The following ROBO2 variants were observed in gnomAD, a reference collection of about 807,000 sequenced individuals.
The protein encoded by ROBO2 is roundabout guidance receptor 2.
In ROBO2, 53 loss-of-function variants were observed where a neutral mutation model predicts 160.8. The observed-to-expected ratio is 0.33, with a 90% CI of 0.26 to 0.41. ROBO2 has a LOEUF of 0.41. ROBO2 is among the 10% of genes least tolerant of loss of function. The pLI, the probability that ROBO2 is intolerant of heterozygous loss-of-function variation, is 1.00. For missense variants in ROBO2, 1,577 were observed against 1,722.4 expected, an observed-to-expected ratio of 0.92 and a Z score of 1.49; for synonymous variants, 664 against 611.7, an observed-to-expected ratio of 1.09 and a Z score of -1.26.
intron 24 of ROBO2, among the ~76,000 whole-genome samples, chr3:77,640,096 CATTTTTTTTTTT>C (rs2095325555): frequency 2.1e-5 from 2 of 97,480 alleles, no homozygotes; most frequent in African/African-American, 8.5e-5. Flanking sequence ...GCAGAGGAAG[CATTTTTTTTTTT>C]TTTTTTTTTT....
chr3:77,080,240 T>A (rs1244389829), intron 1 of ROBO2, among the ~76,000 whole-genome samples: 1 of 152,180 alleles, frequency 6.6e-6, no homozygotes, highest in African/African-American at 2.4e-5. Context: ...TTCAGCGGGT[T>A]CTATAGGCCA....
chr3:76,977,075 A>C (rs1362031592), intron 2 of ROBO2, among the ~76,000 whole-genome samples: 1 of 152,152 alleles, frequency 6.6e-6, no homozygotes, highest in Admixed American at 6.5e-5. Context: ...CTTTCATGCA[A>C]ATTTGAAATT....
At chr3:77,534,378 TATAA>T (rs2091954951) in intron 6 of ROBO2, among the ~76,000 whole-genome samples, 1 of 152,116 alleles carries the variant, frequency 6.6e-6, no homozygotes, top group African/African-American at 2.4e-5. Flanking sequence ...ATCAGAATAA[TATAA>T]ATACTTAGGC....
intron 2 of ROBO2, among the ~76,000 whole-genome samples, chr3:76,879,536 C>G (rs1011289032): frequency 2.0e-5 from 3 of 152,032 alleles, no homozygotes; most frequent in Non-Finnish European, 4.4e-5. Flanking sequence ...ACCAACATAA[C>G]TATAAAGTAA....
rs562354450 is a variant in ROBO2 at position 77,429,327 on chromosome 3, C to G, written c.389-48087C>G. Among the ~76,000 whole-genome samples, 4 of 152,244 alleles carry G rather than the reference C, an allele frequency of 2.6e-5. No homozygotes were observed. The South Asian group carries it at 6.2e-4, about 24-fold the overall frequency. On this transcript the variant is annotated intron_variant, in intron 2 of 25. Coordinates refer to ENST00000461745, the Ensembl canonical transcript of ROBO2. ...CCCGACTTGCTTTACCAGACTATGA[C>G]ACATATTTTTAAGCCATTATTATAG...
intron 1 of ROBO2, among the ~76,000 whole-genome samples, chr3:77,077,843 C>T (rs557918336): frequency 5.3e-5 from 8 of 152,212 alleles, no homozygotes; most frequent in African/African-American, 1.9e-4. Flanking sequence ...CCTGGGTATT[C>T]TAGAATCTCT....
intron 2 of ROBO2, among the ~76,000 whole-genome samples, chr3:77,410,525 CTCT>C (rs1302363258): frequency 9.0e-6 from 1 of 111,278 alleles, no homozygotes. Context: ...CCTCCTCCTC[CTCT>C]TCCTCCTCCT....
intron 1 of ROBO2, among the ~76,000 whole-genome samples, chr3:77,087,783 TATATG>T (rs2069534394): frequency 6.6e-6 from 1 of 152,014 alleles, no homozygotes; most frequent in Non-Finnish European, 1.5e-5. Context: ...TATATATACA[TATATG>T]TATGTATTCA....
intron 1 of ROBO2, among the ~76,000 whole-genome samples, chr3:77,046,191 G>A (rs1293855225): frequency 6.6e-6 from 1 of 152,160 alleles, no homozygotes; most frequent in African/African-American, 2.4e-5. Flanking sequence ...AAGCAGCTGT[G>A]CTACTTTACA....
intron 23 of ROBO2, chr3:77,632,535 A>T: frequency 2.0e-6 from 3 of 1,535,832 alleles, no homozygotes; most frequent in Non-Finnish European, 2.6e-6. Context: ...CTAGTCATAG[A>T]TCTAGTGTAG....
At chr3:76,272,000 A>G (rs1349540419) in intron 2 of ROBO2, among the ~76,000 whole-genome samples, 1 of 152,164 alleles carries the variant, frequency 6.6e-6, no homozygotes, top group African/African-American at 2.4e-5. Flanking sequence ...TAAAATTAGA[A>G]TGTGCTTCAT....
intron 2 of ROBO2, among the ~76,000 whole-genome samples, chr3:77,099,071 CT>C (rs750626067): frequency 4.1e-4 from 50 of 121,244 alleles, no homozygotes; most frequent in Middle Eastern, 4.4e-3. Context: ...TTCTTTCTTT[CT>C]TTTTTTTTTT....
chr3:77,313,166 A>G (rs2153424048), intron 2 of ROBO2, among the ~76,000 whole-genome samples: 1 of 152,328 alleles, frequency 6.6e-6, no homozygotes, highest in African/African-American at 2.4e-5. Flanking sequence ...TTTCTATTTT[A>G]TCACTCAGGA....
At chr3:77,111,276 T>A (rs1224819021) in intron 2 of ROBO2, among the ~76,000 whole-genome samples, 1 of 152,128 alleles carries the variant, frequency 6.6e-6, no homozygotes, top group African/African-American at 2.4e-5. Context: ...ATCCTTTTTA[T>A]TTTAAAATAA....
intron 2 of ROBO2, among the ~76,000 whole-genome samples, chr3:76,885,807 T>A (rs1228393717): frequency 6.6e-6 from 1 of 152,206 alleles, no homozygotes; most frequent in African/African-American, 2.4e-5. Flanking sequence ...TGATTACATC[T>A]TTCTTTATGC....
chr3:77,460,135 G>A (rs73842880), intron 2 of ROBO2, among the ~76,000 whole-genome samples: 4,253 of 152,018 alleles, frequency 0.028, 173 homozygotes, highest in African/African-American at 0.094. Context: ...TGACAGGGGC[G>A]GAAGTCAGGA....
At chr3:77,104,884 G>T (rs536836496) in intron 2 of ROBO2, among the ~76,000 whole-genome samples, 1 of 152,140 alleles carries the variant, frequency 6.6e-6, no homozygotes, top group Non-Finnish European at 1.5e-5. Context: ...TGGCCACAAA[G>T]TTCCTAATAA....
chr3:76,754,477 T>C (rs17042958), intron 2 of ROBO2, among the ~76,000 whole-genome samples: 1,583 of 152,016 alleles, frequency 0.01, 22 homozygotes, highest in African/African-American at 0.036. Context: ...TCTTCTGTGT[T>C]TTATTTATGT....
intron 2 of ROBO2, among the ~76,000 whole-genome samples, chr3:76,988,065 A>G (rs2060480617): frequency 6.6e-6 from 1 of 152,184 alleles, no homozygotes; most frequent in African/African-American, 2.4e-5. Context: ...GGTAATTACG[A>G]GACAAAATAA....
Sources: allele counts gnomAD v4.1 joint callset (sites outside exome capture counted in the v4.1 genomes callset), GRCh38; gene constraint gnomAD v4.1.1; transcripts MANE v1.5; gene names NCBI Gene and HGNC (gene_info 2026-07-23, HGNC 2026-07-21).